Variants in MYO1B observed in about 807,000 individuals in gnomAD.
MYO1B encodes the protein unconventional myosin-Ib.
MYO1B carries 72 observed loss-of-function variants against 159.7 expected under a neutral mutation model. The ratio of observed to expected loss-of-function variants is 0.45; its 90% confidence interval spans 0.37 to 0.55. MYO1B has a LOEUF of 0.55. MYO1B is among the 20% of genes least tolerant of loss of function. The probability of loss-of-function intolerance (pLI) is 0.00; values close to 1 mark genes in which losing one functional copy is unlikely to be tolerated. For synonymous variants in MYO1B, 468 were observed against 473.8 expected (o/e 0.99, Z 0.16); for missense variants, 1,062 against 1,364.8 (o/e 0.78, Z 3.50).
chr2:191,285,373 A>G (rs1212701233), intron 2 of MYO1B, among the ~76,000 whole-genome samples: 1 of 152,204 alleles, frequency 6.6e-6, no homozygotes, highest in Non-Finnish European at 1.5e-5. Context: ...ACAAGAGTAT[A>G]ATATGATGGT....
At chr2:191,406,586 G>A (rs1303417605) in intron 24 of MYO1B, among the ~76,000 whole-genome samples, 1 of 152,216 alleles carries the variant, frequency 6.6e-6, no homozygotes, top group Non-Finnish European at 1.5e-5. Context: ...GAGGCCCGAG[G>A]AGAGGGAGAG....
chr2:191,424,079 CAAAATAAA>C lies in MYO1B; in HGVS notation c.*122_*129del, dbSNP rs112274905. On this transcript the variant is annotated 3_prime_UTR_variant, in exon 31 of 31. Transcript: ENST00000392318. ...ACCAAAGGCTTTTAGAGTTCTTTGG[CAAAATAAA>C]AATATTTGACTAATCAATTTTTATT... The C allele has an allele frequency of 9.6e-4, 1,134 of 1,186,266 alleles. 8 individuals are homozygous for C. The African/African-American group carries it at 0.015, about 16-fold the overall frequency. The allele number at this position is 1,186,266 out of a possible 1,614,324, so 73.5% of individuals were successfully genotyped here.
At chr2:191,378,132 C>T (rs1451315391) in intron 13 of MYO1B, among the ~76,000 whole-genome samples, 3 of 151,890 alleles carry the variant, frequency 2.0e-5, no homozygotes, top group East Asian at 3.9e-4. Flanking sequence ...AGCCTTAGCA[C>T]GGTACTACAC....
intron 4 of MYO1B, 52 bp from the exon 5 acceptor site, chr2:191,341,408 AG>A: frequency 1.3e-6 from 2 of 1,510,138 alleles, no homozygotes. Flanking sequence ...CTCCCCAAAA[AG>A]ATTTTTTAAA....
intron 14 of MYO1B, among the ~76,000 whole-genome samples, chr2:191,382,230 A>G (rs1041297226): frequency 6.6e-6 from 1 of 151,994 alleles, no homozygotes; most frequent in African/African-American, 2.4e-5. Context: ...ATTTGCCTTA[A>G]TATTTTAGTA....
At chr2:191,326,354 T>G (rs112853206) in intron 3 of MYO1B, among the ~76,000 whole-genome samples, 1 of 46,852 alleles carries the variant, frequency 2.1e-5, no homozygotes, top group Admixed American at 1.9e-4. Flanking sequence ...TGGGAGGGGG[T>G]TTGTGTTCTT....
In MYO1B at chr2:191,328,377, T is replaced by G. The variant is rs2125914234; in HGVS notation, c.252-1558T>G. 2.0e-5 allele frequency among the ~76,000 whole-genome samples: 3 copies of G among 152,346 alleles called. No homozygotes were observed. The Middle Eastern group carries it at 0.01, about 518-fold the overall frequency. On this transcript the variant is annotated intron_variant, in intron 3 of 30. Coordinates refer to ENST00000392318, the MANE Select transcript of MYO1B (RefSeq NM_001130158.3). ...TTTCACCAGTCTCCTGGCTGCAGACTGGTTGCTCTCTGCACCCTTGTCACC... is the reference window on the plus strand; with the variant it reads ...TTTCACCAGTCTCCTGGCTGCAGACGGGTTGCTCTCTGCACCCTTGTCACC...
chr2:191,320,991 C>T (rs1371670828), intron 3 of MYO1B, among the ~76,000 whole-genome samples: 1 of 152,086 alleles, frequency 6.6e-6, no homozygotes, highest in African/African-American at 2.4e-5. Context: ...CTTTCTAGGG[C>T]AGATGGGGCA....
chr2:191,286,327 C>A (rs1241204079), intron 2 of MYO1B, among the ~76,000 whole-genome samples: 1 of 150,566 alleles, frequency 6.6e-6, no homozygotes, highest in African/African-American at 2.5e-5. Flanking sequence ...GTTTGGTAGA[C>A]CATACTGTGT....
intron 2 of MYO1B, among the ~76,000 whole-genome samples, chr2:191,290,230 T>G (rs1428538241): frequency 6.6e-6 from 1 of 152,244 alleles, no homozygotes; most frequent in Non-Finnish European, 1.5e-5. Context: ...TTTTCTTTCT[T>G]TCTTTGTCCC....
chr2:191,325,986 A>G (rs1011577701), intron 3 of MYO1B, among the ~76,000 whole-genome samples: 5 of 152,198 alleles, frequency 3.3e-5, no homozygotes, highest in Non-Finnish European at 7.3e-5. Flanking sequence ...GATGGCCTTT[A>G]AACATCGGGC....
intron 2 of MYO1B, among the ~76,000 whole-genome samples, chr2:191,290,759 G>A (rs577671628): frequency 2.0e-5 from 3 of 152,246 alleles, no homozygotes; most frequent in Middle Eastern, 3.4e-3. Context: ...TTTTTCTGTA[G>A]TCTATTGAGA....
At chr2:191,382,524 A>G (rs1173435402) in intron 14 of MYO1B, among the ~76,000 whole-genome samples, 1 of 152,236 alleles carries the variant, frequency 6.6e-6, no homozygotes, top group Non-Finnish European at 1.5e-5. Context: ...CTCATCATGA[A>G]GAGAATGCCC....
At chr2:191,280,118 G>A (rs1687970394) in intron 2 of MYO1B, among the ~76,000 whole-genome samples, 1 of 152,134 alleles carries the variant, frequency 6.6e-6, no homozygotes, top group Admixed American at 6.5e-5. Context: ...TTGCCCCTGG[G>A]TATGAGTTAC....
intron 1 of MYO1B, among the ~76,000 whole-genome samples, chr2:191,248,692 C>G (rs1256731702): frequency 1.3e-5 from 2 of 152,178 alleles, no homozygotes; most frequent in East Asian, 3.8e-4. Context: ...CTAAGTTGAA[C>G]CATTGTAAAT....
Position 191,392,126 on chromosome 2 carries a change from A to G in MYO1B, c.2001A>G (p.Leu667=), listed in dbSNP as rs1695792831. Residue 667 remains leucine (L), a synonymous_variant, in exon 19 of 31, where the codon CTA becomes CTG. Transcript: ENST00000392318. ...TTTTTAGGTCTGGTGTGGAGGTCCTATTTAATGAATTAGAAATTCCCGTGG... is the reference window on the plus strand; with the variant it reads ...TTTTTAGGTCTGGTGTGGAGGTCCTGTTTAATGAATTAGAAATTCCCGTGG... ...KGPARSGVEV[L]FNELEIPVEE... The G allele has an allele frequency of 1.2e-6, 2 of 1,609,472 alleles. No individual in the cohort carries two copies. The highest frequency in any genetic ancestry group is 1.7e-6 in the Non-Finnish European group (2 of 1,176,738).
At chr2:191,338,639 T>C (rs954032452) in intron 4 of MYO1B, among the ~76,000 whole-genome samples, 2 of 152,128 alleles carry the variant, frequency 1.3e-5, no homozygotes, top group African/African-American at 4.8e-5. Flanking sequence ...TGGTTGATTT[T>C]CCCCCCACCA....
chr2:191,297,888 C>T (rs1689080877), intron 3 of MYO1B, among the ~76,000 whole-genome samples: 1 of 152,152 alleles, frequency 6.6e-6, no homozygotes, highest in Non-Finnish European at 1.5e-5. Context: ...CTGCTAAGCA[C>T]CCTTCAAAGC....
chr2:191,311,026 T>C (rs978285517), intron 3 of MYO1B, among the ~76,000 whole-genome samples: 3 of 152,164 alleles, frequency 2.0e-5, no homozygotes, highest in African/African-American at 7.2e-5. Flanking sequence ...AATACTGATT[T>C]TAACCTTTAT....
Sources: gnomAD v4.1 joint callset for allele counts (sites outside exome capture counted in the v4.1 genomes callset) on GRCh38, gnomAD v4.1.1 for gene constraint, MANE v1.5 for transcripts, NCBI Gene and HGNC (gene_info 2026-07-23, HGNC 2026-07-21) for gene names.